Variants in UTS2B observed in about 807,000 individuals in gnomAD.
The protein encoded by UTS2B is urotensin 2B, also known as urotensin-2B.
In UTS2B, 21 loss-of-function variants were observed where a neutral mutation model predicts 19.2. That is an observed-to-expected ratio of 1.09 (90% CI 0.78 to 1.58). The LOEUF is 1.58. Among genes scored for constraint, UTS2B ranks in the 40% most tolerant of loss-of-function variants. The pLI is 0.00. For missense variants in UTS2B, 138 were observed against 130.3 expected (o/e 1.06, Z -0.29); for synonymous variants, 57 against 50.2 (o/e 1.14, Z -0.58).
At chr3:191,332,214 T>A (rs1330198388), upstream of UTS2B, among the ~76,000 whole-genome samples, 1 of 152,210 alleles carries the variant, frequency 6.6e-6, no homozygotes, top group Non-Finnish European at 1.5e-5. Flanking sequence ...AAATCTTCTT[T>A]CCTAGGTTGA....
At chr3:191,337,234 C>T in the UTS2B span, among the ~76,000 whole-genome samples, 2 of 151,846 alleles carry the variant, frequency 1.3e-5, no homozygotes, top group African/African-American at 2.4e-5. Context: ...TGTTATTTAA[C>T]CTTTTTTGGA....
intron 8 of UTS2B, among the ~76,000 whole-genome samples, chr3:191,274,749 AT>A (rs1381259097): frequency 2.0e-5 from 3 of 152,190 alleles, no homozygotes; most frequent in Non-Finnish European, 4.4e-5. Context: ...ACAGGAATAC[AT>A]TTTTTTCAAA....
chr3:191,273,541 G>T lies in UTS2B; in HGVS notation c.334+1711C>A, dbSNP rs370409970. The T allele has an allele frequency of 1.1e-4, 48 of 456,624 alleles. 1 individual carries two copies. Among genetic ancestry groups the T allele is most frequent in the East Asian group, 7.6e-4 (11 of 14,402 alleles). The allele number at this position is 456,624 out of a possible 1,614,324, so 28.3% of individuals were successfully genotyped here. Reference sequence around the variant, plus strand: ...TGGCAATGTTGGAGGCAGTTAAGCTGTATCAACGTTCTGGATGATAGGGCT... The same window carrying T: ...TGGCAATGTTGGAGGCAGTTAAGCTTTATCAACGTTCTGGATGATAGGGCT... On this transcript the variant is annotated intron_variant, in intron 8 of 8. Coordinates refer to ENST00000340524, the MANE Select transcript of UTS2B (RefSeq NM_198152.5).
At chr3:191,310,936 A>C (rs933020762) in intron 3 of UTS2B, among the ~76,000 whole-genome samples, 1 of 152,242 alleles carries the variant, frequency 6.6e-6, no homozygotes, top group Admixed American at 6.5e-5. Context: ...CAAGACGTAC[A>C]GTTTCAGAAG....
chr3:191,303,655 C>T (rs1215081277), intron 4 of UTS2B, among the ~76,000 whole-genome samples: 1 of 152,194 alleles, frequency 6.6e-6, no homozygotes, highest in Non-Finnish European at 1.5e-5. Flanking sequence ...GAGCCTATCA[C>T]TAGGACTCAG....
upstream of UTS2B, among the ~76,000 whole-genome samples, chr3:191,332,985 A>G (rs551678190): frequency 4.6e-5 from 7 of 152,006 alleles, no homozygotes; most frequent in African/African-American, 1.2e-4. Flanking sequence ...AACCTCTCCT[A>G]TTTTCTCCAA....
chr3:191,324,182 C>T (rs1717682672), intron 2 of UTS2B, among the ~76,000 whole-genome samples: 1 of 152,214 alleles, frequency 6.6e-6, no homozygotes, highest in African/African-American at 2.4e-5. Flanking sequence ...AGCCTCTTCA[C>T]CATGTGATGC....
At chr3:191,301,483 ATTTTTT>A (rs750203551) in intron 4 of UTS2B, among the ~76,000 whole-genome samples, 1 of 113,834 alleles carries the variant, frequency 8.8e-6, no homozygotes, top group African/African-American at 3.4e-5. Flanking sequence ...ATTTTTGGTA[ATTTTTT>A]TTTTTTTTTT....
chr3:191,309,194 C>G (rs1576930166), intron 3 of UTS2B, among the ~76,000 whole-genome samples: 1 of 152,106 alleles, frequency 6.6e-6, no homozygotes, highest in African/African-American at 2.4e-5. Flanking sequence ...AACGGAGTCT[C>G]GCTCTCGCCC....
chr3:191,289,227 G>A (rs113492150), intron 4 of UTS2B, among the ~76,000 whole-genome samples: 162 of 152,038 alleles, frequency 1.1e-3, no homozygotes, highest in African/African-American at 3.8e-3. Flanking sequence ...GGCTAACATG[G>A]TGAAACCCCA....
intron 7 of UTS2B, 68 bp downstream of exon 7, chr3:191,276,739 T>G: frequency 3.0e-6 from 4 of 1,319,780 alleles, no homozygotes; most frequent in Non-Finnish European, 4.3e-6. Flanking sequence ...TTAAAAAACA[T>G]TGTGTCAAGA....
At chr3:191,287,645 C>T (rs946980110) in intron 4 of UTS2B, among the ~76,000 whole-genome samples, 4 of 152,004 alleles carry the variant, frequency 2.6e-5, no homozygotes, top group Non-Finnish European at 5.9e-5. Flanking sequence ...CCATAGCTAA[C>T]ATTATATTCA....
Position 191,303,530 on chromosome 3 carries a change from TAAA to T in UTS2B, c.-125+959_-125+961del, listed in dbSNP as rs56081437. 3.4e-3 allele frequency among the ~76,000 whole-genome samples: 505 copies of T among 148,088 alleles called. 2 individuals carry two copies. Among genetic ancestry groups the T allele is most frequent in the African/African-American group, 6.1e-3 (247 of 40,584 alleles). On this transcript the variant is annotated intron_variant, in intron 4 of 8. Coordinates refer to ENST00000340524, the MANE Select transcript of UTS2B (RefSeq NM_198152.5). Reference sequence around the variant, plus strand: ...AGTAGTGTCTGGAAACACATTTCCTTAAAAAAAAAAAAAAAACTCACTGTTAAT... The same window carrying T: ...AGTAGTGTCTGGAAACACATTTCCTTAAAAAAAAAAAAACTCACTGTTAAT...
upstream of UTS2B, among the ~76,000 whole-genome samples, chr3:191,332,391 A>T (rs1718020048): frequency 6.6e-6 from 1 of 152,206 alleles, no homozygotes; most frequent in African/African-American, 2.4e-5. Context: ...TGTAGGTGAA[A>T]AGAATCAAGT....
upstream of UTS2B, among the ~76,000 whole-genome samples, chr3:191,334,488 A>G (rs949212671): frequency 6.6e-6 from 1 of 152,088 alleles, no homozygotes; most frequent in Non-Finnish European, 1.5e-5. Flanking sequence ...AGCACTAAAA[A>G]CCACTGTTCT....
intron 4 of UTS2B, among the ~76,000 whole-genome samples, chr3:191,284,589 T>G (rs1240215454): frequency 6.6e-6 from 1 of 150,976 alleles, no homozygotes; most frequent in Non-Finnish European, 1.5e-5. Flanking sequence ...CCCAAAGAGC[T>G]GGTATTACAG....
chr3:191,271,608 C>T (rs1042230934), intron 8 of UTS2B, among the ~76,000 whole-genome samples: 1 of 152,152 alleles, frequency 6.6e-6, no homozygotes, highest in African/African-American at 2.4e-5. Flanking sequence ...CTTCTTTGTA[C>T]CTACTCCTAC....
intron 2 of UTS2B, among the ~76,000 whole-genome samples, chr3:191,320,403 G>A (rs1439305134): frequency 6.6e-6 from 1 of 152,224 alleles, no homozygotes. Flanking sequence ...AAGGGAATGA[G>A]AGGAAGCCAG....
rs566791566 is a variant in UTS2B at position 191,295,094 on chromosome 3, A to G, written c.-125+9398T>C. ...ATCTTAAAACAAAACAAAACACCAA[A>G]TAAGTTTTATTAGGACACTCATATA... On this transcript the variant is annotated intron_variant, in intron 4 of 8. Coordinates refer to ENST00000340524, the MANE Select transcript of UTS2B (RefSeq NM_198152.5). Among the ~76,000 whole-genome samples the G allele has an allele frequency of 4.1e-4, 62 of 152,032 alleles. 1 individual carries two copies. In the South Asian group the frequency reaches 0.012, roughly 31 times the overall value.
Sources: allele counts gnomAD v4.1 joint callset (sites outside exome capture counted in the v4.1 genomes callset), GRCh38; gene constraint gnomAD v4.1.1; transcripts MANE v1.5; gene names NCBI Gene and HGNC (gene_info 2026-07-23, HGNC 2026-07-21).